Variants in CPQ observed in about 807,000 individuals in gnomAD.
The protein encoded by CPQ is carboxypeptidase Q, also known as Ser-Met dipeptidase.
Under a neutral mutation model 45.7 loss-of-function variants are expected in CPQ, and 37 were observed. The observed-to-expected ratio is 0.81, with a 90% CI of 0.62 to 1.07. The LOEUF (loss-of-function observed/expected upper bound fraction) is 1.07, where lower values mean the gene tolerates loss of function less well. CPQ is among the 50% of genes least tolerant of loss of function. The pLI, the probability that CPQ is intolerant of heterozygous loss-of-function variation, is 0.00. For missense variants in CPQ, 537 were observed against 572.9 expected (o/e 0.94, Z 0.64); for synonymous variants, 186 against 205.8 (o/e 0.90, Z 0.82).
chr8:97,055,308 G>C (rs1303057679), intron 6 of CPQ, among the ~76,000 whole-genome samples: 1 of 152,158 alleles, frequency 6.6e-6, no homozygotes, highest in African/African-American at 2.4e-5. Context: ...GTTGCCACCA[G>C]TTCCTAAAGC....
chr8:96,756,384 A>T (rs1428045429), intron 1 of CPQ, among the ~76,000 whole-genome samples: 1 of 152,018 alleles, frequency 6.6e-6, no homozygotes, highest in Non-Finnish European at 1.5e-5. Context: ...TTATCACTTT[A>T]TGTGGGGAAT....
chr8:96,769,778 C>A (rs140370209), intron 1 of CPQ, among the ~76,000 whole-genome samples: 155 of 151,948 alleles, frequency 1.0e-3, no homozygotes, highest in African/African-American at 3.6e-3. Flanking sequence ...ACTACAGACA[C>A]GTGCCACCAT....
chr8:96,854,058 G>T (rs1586427010), intron 3 of CPQ, among the ~76,000 whole-genome samples: 1 of 152,046 alleles, frequency 6.6e-6, no homozygotes. Context: ...TAAATTTCTG[G>T]GTTTTGTGGA....
At chr8:97,004,735 G>A (rs1308159314) in intron 5 of CPQ, among the ~76,000 whole-genome samples, 1 of 152,060 alleles carries the variant, frequency 6.6e-6, no homozygotes, top group African/African-American at 2.4e-5. Flanking sequence ...CAGAGAGACT[G>A]TGAAATAGCA....
chr8:96,709,543 G>A (rs911866047), intron 1 of CPQ, among the ~76,000 whole-genome samples: 34 of 152,024 alleles, frequency 2.2e-4, no homozygotes, highest in Admixed American at 7.2e-4. Flanking sequence ...ATTTTGAACC[G>A]TGCTGCGATA....
intron 1 of CPQ, among the ~76,000 whole-genome samples, chr8:96,694,574 T>C (rs1011845994): frequency 1.3e-5 from 2 of 152,100 alleles, no homozygotes; most frequent in African/African-American, 4.8e-5. Flanking sequence ...ATGTCAAATA[T>C]CTTCTCTGAC....
At chr8:96,936,472 G>A (rs1813052103) in intron 4 of CPQ, among the ~76,000 whole-genome samples, 1 of 152,194 alleles carries the variant, frequency 6.6e-6, no homozygotes, top group African/African-American at 2.4e-5. Context: ...CAAAGAGACA[G>A]AGAGGCCAAC....
At chr8:96,667,463 C>T (rs1808941667) in intron 1 of CPQ, among the ~76,000 whole-genome samples, 1 of 151,874 alleles carries the variant, frequency 6.6e-6, no homozygotes. Flanking sequence ...ATTCTGCTGC[C>T]TCAGCCTCCC....
intron 1 of CPQ, among the ~76,000 whole-genome samples, chr8:96,774,475 G>A (rs915289320): frequency 6.6e-6 from 1 of 152,154 alleles, no homozygotes; most frequent in Admixed American, 6.5e-5. Context: ...GCAGTGAGAT[G>A]TGTGCAGAAA....
chr8:97,093,977 C>CAAAT (rs911686720), intron 7 of CPQ, among the ~76,000 whole-genome samples: 1 of 152,116 alleles, frequency 6.6e-6, no homozygotes, highest in African/African-American at 2.4e-5. Flanking sequence ...TGAGTCTTTA[C>CAAAT]AAATAAAGGT....
At chr8:97,133,046 T>G (rs1811984615) in intron 7 of CPQ, 1 of 152,138 alleles carries the variant, frequency 6.6e-6, no homozygotes, top group Non-Finnish European at 1.5e-5. Flanking sequence ...TCAAAGATAA[T>G]GAACCTAGAG....
chr8:96,663,764 G>A (rs1209347348), intron 1 of CPQ, among the ~76,000 whole-genome samples: 1 of 151,860 alleles, frequency 6.6e-6, no homozygotes, highest in East Asian at 1.9e-4. Context: ...GTGTGTGTTT[G>A]TGTGTGTGTG....
chr8:96,670,047 A>G (rs563458260), intron 1 of CPQ, among the ~76,000 whole-genome samples: 58 of 152,236 alleles, frequency 3.8e-4, no homozygotes, highest in Non-Finnish European at 7.6e-4. Flanking sequence ...TCTAGAACTC[A>G]TATCTGAACA....
intron 7 of CPQ, among the ~76,000 whole-genome samples, chr8:97,075,687 C>T (rs552057571): frequency 6.6e-6 from 1 of 152,112 alleles, no homozygotes; most frequent in African/African-American, 2.4e-5. Context: ...ATTTTTCTCT[C>T]TCTGCTTTAA....
chr8:96,897,717 T>G (rs1230699669), intron 4 of CPQ, among the ~76,000 whole-genome samples: 1 of 152,214 alleles, frequency 6.6e-6, no homozygotes, highest in Non-Finnish European at 1.5e-5. Flanking sequence ...TTCCAAAATC[T>G]GAAAATTCCA....
At chr8:96,989,607 G>A (rs1480915835) in intron 5 of CPQ, among the ~76,000 whole-genome samples, 2 of 152,120 alleles carry the variant, frequency 1.3e-5, no homozygotes, top group Admixed American at 6.5e-5. Context: ...AAATAATGGT[G>A]AGCCTCAGCA....
intron 4 of CPQ, among the ~76,000 whole-genome samples, chr8:96,925,054 A>T (rs1812855400): frequency 6.6e-6 from 1 of 152,180 alleles, no homozygotes; most frequent in Admixed American, 6.5e-5. Flanking sequence ...TCCACTTGGG[A>T]TTTATACCCA....
chr8:96,915,613 C>T (rs1047575883), intron 4 of CPQ, among the ~76,000 whole-genome samples: 1 of 152,090 alleles, frequency 6.6e-6, no homozygotes, highest in African/African-American at 2.4e-5. Flanking sequence ...CTGACTGTGT[C>T]CTCCATCACA....
intron 1 of CPQ, among the ~76,000 whole-genome samples, chr8:96,697,011 C>A (rs1424007877): frequency 6.6e-6 from 1 of 152,124 alleles, no homozygotes; most frequent in Non-Finnish European, 1.5e-5. Flanking sequence ...TCCAAACTGG[C>A]CTTCTATGAG....
Sources: gnomAD v4.1 joint callset for allele counts (sites outside exome capture counted in the v4.1 genomes callset) on GRCh38, gnomAD v4.1.1 for gene constraint, MANE v1.5 for transcripts, NCBI Gene and HGNC (gene_info 2026-07-23, HGNC 2026-07-21) for gene names.